The following MALRD1 variants were observed in gnomAD, a reference collection of about 807,000 sequenced individuals.
MALRD1 encodes the protein MAM and LDL receptor class A domain containing 1.
Under a neutral mutation model 242.1 loss-of-function variants are expected in MALRD1, and 247 were observed. That is an observed-to-expected ratio of 1.02 (90% CI 0.92 to 1.13). The LOEUF (loss-of-function observed/expected upper bound fraction) is 1.13. Ranked by LOEUF, MALRD1 falls within the 50% of genes most tolerant of loss-of-function variation. The pLI is 0.00. For synonymous variants in MALRD1, 995 were observed against 866.6 expected (o/e 1.15, Z -2.60); for missense variants, 2,989 against 2,533.1 (o/e 1.18, Z -3.86).
At chr10:19,385,056 G>T (rs1189242653) in intron 26 of MALRD1, among the ~76,000 whole-genome samples, 1 of 151,702 alleles carries the variant, frequency 6.6e-6, no homozygotes, top group Non-Finnish European at 1.5e-5. Flanking sequence ...TTAATGTGGG[G>T]TATCACATTA....
chr10:19,276,031 T>G (rs1367040211), intron 19 of MALRD1, among the ~76,000 whole-genome samples: 2 of 152,190 alleles, frequency 1.3e-5, no homozygotes, highest in African/African-American at 4.8e-5. Flanking sequence ...GCTGCCTAAA[T>G]TGGAGCATAG....
At chr10:19,336,237 C>A (rs1248382769) in intron 24 of MALRD1, among the ~76,000 whole-genome samples, 1 of 152,116 alleles carries the variant, frequency 6.6e-6, no homozygotes, top group Non-Finnish European at 1.5e-5. Flanking sequence ...CATAATCATG[C>A]CATTGATACA....
At position 19,311,273 on chromosome 10, in the gene MALRD1, G is replaced by A. The variant is rs541400587; in HGVS notation, c.3420-12676G>A. ...TTAACCTTGGTTATATTTTTCATGA[G>A]TATGTAGGAAGTTTCTTATAAAAAA... is the stretch of plus-strand genomic sequence containing the variant. On this transcript the variant is annotated intron_variant, in intron 21 of 39. Coordinates refer to ENST00000454679, the MANE Select transcript of MALRD1 (RefSeq NM_001142308.3). Among the ~76,000 whole-genome samples, 260 of 151,334 alleles carry A rather than the reference G, an allele frequency of 1.7e-3. 1 individual carries two copies. Among genetic ancestry groups the A allele is most frequent in the African/African-American group, 6.2e-3 (255 of 41,382 alleles).
intron 12 of MALRD1, among the ~76,000 whole-genome samples, chr10:19,165,265 A>ATATATATATATATATATATATT: frequency 3.1e-5 from 4 of 130,306 alleles, no homozygotes; most frequent in South Asian, 2.5e-4. Flanking sequence ...ATATATATAT[A>ATATATATATATATATATATATT]TTTTGTTTTG....
chr10:19,682,874 G>C (rs1010253681), intron 36 of MALRD1, among the ~76,000 whole-genome samples: 5 of 152,154 alleles, frequency 3.3e-5, no homozygotes, highest in African/African-American at 2.4e-5. Flanking sequence ...CTTCTGATGG[G>C]ATAGAAACCT....
intron 21 of MALRD1, among the ~76,000 whole-genome samples, chr10:19,288,686 T>C (rs1160327098): frequency 1.3e-5 from 2 of 152,176 alleles, no homozygotes; most frequent in Admixed American, 1.3e-4. Flanking sequence ...GCCCAAGTCC[T>C]GCGAGATCCC....
At chr10:19,557,557 G>C (rs183776966) in intron 32 of MALRD1, among the ~76,000 whole-genome samples, 96 of 152,022 alleles carry the variant, frequency 6.3e-4, no homozygotes, top group East Asian at 7.7e-4. Flanking sequence ...GATTGCCTTT[G>C]ATTCCTTGTC....
In MALRD1 at chr10:19,615,942, T is replaced by G; in HGVS notation, c.6137+19T>G. 1 of 295,504 alleles carries G rather than the reference T, an allele frequency of 3.4e-6. No homozygotes were observed. Among genetic ancestry groups the G allele is most frequent in the Non-Finnish European group, 4.9e-6 (1 of 204,248 alleles). The allele number at this position is 295,504 out of a possible 1,614,324, so 18.3% of individuals were successfully genotyped here. A position where few individuals can be genotyped will look rare whatever the true frequency, so the allele number is the denominator to read the frequency against. On this transcript the variant is annotated intron_variant, in intron 36 of 39. Coordinates refer to ENST00000454679, the MANE Select transcript of MALRD1 (RefSeq NM_001142308.3). Reference sequence around the variant, plus strand: ...TGTGTCGGTAAGAAGCATTGTTTAATTTTTTTTTTTAAGATTTTTTGGAGT... The same window carrying G: ...TGTGTCGGTAAGAAGCATTGTTTAAGTTTTTTTTTTAAGATTTTTTGGAGT...
intron 28 of MALRD1, among the ~76,000 whole-genome samples, chr10:19,440,060 C>G (rs922878723): frequency 6.6e-6 from 1 of 152,178 alleles, no homozygotes; most frequent in Non-Finnish European, 1.5e-5. Flanking sequence ...GTCCATCTTA[C>G]CACTGTCTGA....
At chr10:19,595,110 A>G (rs1838011860) in intron 33 of MALRD1, 84 bp from the exon 34 acceptor site, 1 of 1,317,266 alleles carries the variant, frequency 7.6e-7, no homozygotes, top group Admixed American at 2.9e-5. Flanking sequence ...TTTATACAAT[A>G]AGAAATGCAA....
chr10:19,162,910 A>G (rs1834495145), intron 12 of MALRD1, among the ~76,000 whole-genome samples: 1 of 151,828 alleles, frequency 6.6e-6, no homozygotes, highest in Admixed American at 6.6e-5. Context: ...GGGTGGGTGG[A>G]GTGCTTGAGT....
intron 31 of MALRD1, among the ~76,000 whole-genome samples, chr10:19,505,655 T>C (rs935886061): frequency 3.9e-5 from 6 of 152,188 alleles, no homozygotes; most frequent in African/African-American, 1.4e-4. Context: ...TGTGAAGAAC[T>C]CTTCAGGGGA....
chr10:19,633,323 C>T (rs533383531), intron 36 of MALRD1, among the ~76,000 whole-genome samples: 3 of 152,242 alleles, frequency 2.0e-5, no homozygotes, highest in South Asian at 2.1e-4. Flanking sequence ...TGGAGAAGCA[C>T]GGTGTAATTA....
At chr10:19,539,857 C>T (rs7475231) in intron 32 of MALRD1, among the ~76,000 whole-genome samples, 82,214 of 126,378 alleles carry the variant, frequency 0.65, 25,931 homozygotes, top group African/African-American at 0.7. Flanking sequence ...CAGCTTTGTG[C>T]GTGTGTGTGT....
chr10:19,427,131 G>A (rs1833933355), intron 28 of MALRD1, among the ~76,000 whole-genome samples: 1 of 151,960 alleles, frequency 6.6e-6, no homozygotes, highest in Non-Finnish European at 1.5e-5. Context: ...TTAATCCTTA[G>A]AACAAGGATA....
At chr10:19,056,272 G>A (rs548309178) in intron 1 of MALRD1, among the ~76,000 whole-genome samples, 41 of 151,568 alleles carry the variant, frequency 2.7e-4, no homozygotes, top group Admixed American at 5.3e-4. Flanking sequence ...TCTGTAGATC[G>A]CTTTGAGTGC....
intron 19 of MALRD1, among the ~76,000 whole-genome samples, chr10:19,276,438 C>G (rs929320189): frequency 6.6e-6 from 1 of 152,070 alleles, no homozygotes; most frequent in African/African-American, 2.4e-5. Flanking sequence ...GAAATTTGTT[C>G]CATATATTCC....
intron 19 of MALRD1, among the ~76,000 whole-genome samples, chr10:19,259,578 A>G (rs1170394357): frequency 6.6e-6 from 1 of 151,828 alleles, no homozygotes; most frequent in Non-Finnish European, 1.5e-5. Context: ...TGTAGGAAAG[A>G]CCCGCCCCCG....
chr10:19,071,070 C>G (rs1306642442), intron 2 of MALRD1, among the ~76,000 whole-genome samples: 1 of 151,826 alleles, frequency 6.6e-6, no homozygotes. Flanking sequence ...AGGTTGGTCT[C>G]AAACTCCTGG....
Sources: allele counts gnomAD v4.1 joint callset (sites outside exome capture counted in the v4.1 genomes callset), GRCh38; gene constraint gnomAD v4.1.1; transcripts MANE v1.5; gene names NCBI Gene and HGNC (gene_info 2026-07-23, HGNC 2026-07-21).